The following ERC1 variants were observed in gnomAD, a reference collection of about 807,000 sequenced individuals.
ERC1 encodes ELKS/RAB6-interacting/CAST family member 1.
ERC1 carries 56 observed loss-of-function variants against 132.0 expected under a neutral mutation model. The observed-to-expected ratio is 0.42, with a 90% CI of 0.34 to 0.53. The LOEUF (loss-of-function observed/expected upper bound fraction) is 0.53, where lower values mean the gene tolerates loss of function less well. ERC1 is among the 20% of genes least tolerant of loss of function. The pLI, the probability that ERC1 is intolerant of heterozygous loss-of-function variation, is 0.03. For synonymous variants in ERC1, 478 were observed against 476.1 expected (o/e 1.00, Z -0.05); for missense variants, 1,202 against 1,349.9 (o/e 0.89, Z 1.72).
At chr12:1,313,661 G>A (rs555888596) in intron 15 of ERC1, among the ~76,000 whole-genome samples, 49 of 152,108 alleles carry the variant, frequency 3.2e-4, no homozygotes, top group African/African-American at 1.2e-3. Context: ...TGACGTTTCA[G>A]TATTTTTCTG....
At chr12:1,473,995 T>TA (rs1415200805) in intron 18 of ERC1, among the ~76,000 whole-genome samples, 1 of 152,200 alleles carries the variant, frequency 6.6e-6, no homozygotes. Context: ...TAGATGCTCT[T>TA]ACGGCAAAAT....
At position 1,369,203 on chromosome 12, in the gene ERC1, G is replaced by A. The variant is rs1222952698; in HGVS notation, c.2781-2630G>A. On this transcript the variant is annotated intron_variant, in intron 15 of 18. Transcript: ENST00000360905. ...CAAAACTTTGAAATTAGAAATCTAA[G>A]TTGTCATCTGTTATTTCATATTGTG... is the stretch of plus-strand genomic sequence containing the variant. Among the ~76,000 whole-genome samples the A allele has an allele frequency of 2.0e-5, 3 of 152,114 alleles. No homozygotes were observed. In the East Asian group the frequency reaches 5.8e-4, roughly 29 times the overall value.
At chr12:1,118,357 C>T (rs1946685466) in intron 7 of ERC1, among the ~76,000 whole-genome samples, 1 of 152,070 alleles carries the variant, frequency 6.6e-6, no homozygotes, top group Admixed American at 6.6e-5. Context: ...TCTCTTTGTA[C>T]CCCCCTCAAA....
chr12:1,211,634 A>C (rs1480316077), intron 12 of ERC1, among the ~76,000 whole-genome samples: 1 of 152,006 alleles, frequency 6.6e-6, no homozygotes, highest in Non-Finnish European at 1.5e-5. Flanking sequence ...ATCTTGGCTC[A>C]CTGCAACCTC....
chr12:1,359,598 C>G (rs1318192960), intron 15 of ERC1, among the ~76,000 whole-genome samples: 2 of 152,120 alleles, frequency 1.3e-5, no homozygotes, highest in South Asian at 2.1e-4. Flanking sequence ...ACAGACCTAC[C>G]CTTACAATAA....
At chr12:1,161,487 C>T (rs908344504) in intron 8 of ERC1, among the ~76,000 whole-genome samples, 1 of 152,146 alleles carries the variant, frequency 6.6e-6, no homozygotes, top group African/African-American at 2.4e-5. Flanking sequence ...TGTCTCATTA[C>T]GAACTCTGAA....
At chr12:1,183,175 G>T (rs1251285401) in intron 10 of ERC1, 106 bp from the exon 11 acceptor site, 19 of 618,996 alleles carry the variant, frequency 3.1e-5, no homozygotes, top group Non-Finnish European at 4.4e-5. Context: ...GAGTATGTCA[G>T]CATTTGGTAA....
intron 8 of ERC1, among the ~76,000 whole-genome samples, chr12:1,171,135 C>G (rs1227469003): frequency 6.6e-6 from 1 of 152,114 alleles, no homozygotes; most frequent in Non-Finnish European, 1.5e-5. Context: ...CAGGGAAACC[C>G]AACCAAGGAA....
chr12:1,132,124 G>A (rs1948823932), intron 7 of ERC1, among the ~76,000 whole-genome samples: 1 of 152,176 alleles, frequency 6.6e-6, no homozygotes, highest in Non-Finnish European at 1.5e-5. Flanking sequence ...AAAGATCAGT[G>A]TAGAATTCAG....
chr12:997,267 G>C (rs1426140373), intron 1 of ERC1, among the ~76,000 whole-genome samples: 1 of 152,208 alleles, frequency 6.6e-6, no homozygotes, highest in African/African-American at 2.4e-5. Context: ...TTACTTGACT[G>C]ATAAATAAAG....
rs1007594877 is a variant in ERC1 at position 1,125,474 on chromosome 12, A to C, written c.1569+9441A>C. Among the ~76,000 whole-genome samples the C allele has an allele frequency of 3.3e-5, 5 of 152,152 alleles. No homozygotes were observed. In the South Asian group the frequency reaches 1.0e-3, roughly 32 times the overall value. On this transcript the variant is annotated intron_variant, in intron 7 of 18. Transcript: ENST00000360905. Reference sequence around the variant, plus strand: ...TATAATTTAATCCTGCAGGGATATCAGTTTTCCTGAAGTTAATGTATATAT... The same window carrying C: ...TATAATTTAATCCTGCAGGGATATCCGTTTTCCTGAAGTTAATGTATATAT...
At chr12:1,101,674 A>C (rs538169071) in intron 3 of ERC1, among the ~76,000 whole-genome samples, 1 of 152,304 alleles carries the variant, frequency 6.6e-6, no homozygotes, top group East Asian at 1.9e-4. Context: ...TTAAATGTGG[A>C]GTTCCCACAC....
At position 1,192,039 on chromosome 12, in the gene ERC1, G is replaced by A. The variant is rs540670576; in HGVS notation, c.2351+1987G>A. ...GAGAAGTCATTGCTGAAGTGACGTGGTGGTTGAGCCAGAGCTAGTAGAATG... is the reference window on the plus strand; with the variant it reads ...GAGAAGTCATTGCTGAAGTGACGTGATGGTTGAGCCAGAGCTAGTAGAATG... On this transcript the variant is annotated intron_variant, in intron 12 of 18. Transcript: ENST00000360905. 9.8e-5 allele frequency among the ~76,000 whole-genome samples: 15 copies of A among 152,324 alleles called. No homozygotes were observed. In the South Asian group the frequency reaches 2.7e-3, roughly 27 times the overall value.
At chr12:1,178,124 A>G (rs964651746) in intron 8 of ERC1, among the ~76,000 whole-genome samples, 3 of 152,170 alleles carry the variant, frequency 2.0e-5, no homozygotes, top group Non-Finnish European at 4.4e-5. Flanking sequence ...CACATACCCT[A>G]TTCTAAACTT....
At chr12:1,061,474 A>G (rs113308232) in intron 2 of ERC1, among the ~76,000 whole-genome samples, 2 of 149,850 alleles carry the variant, frequency 1.3e-5, no homozygotes, top group African/African-American at 4.9e-5. Flanking sequence ...GTGGTGGTGT[A>G]TGCCAGTAAT....
At chr12:1,162,437 T>G in intron 8 of ERC1, among the ~76,000 whole-genome samples, 1 of 152,170 alleles carries the variant, frequency 6.6e-6, no homozygotes, top group East Asian at 1.9e-4. Context: ...TCCATGCTTC[T>G]GTAACTTCTG....
At chr12:1,127,701 A>G (rs1711768855) in intron 7 of ERC1, among the ~76,000 whole-genome samples, 2 of 152,206 alleles carry the variant, frequency 1.3e-5, no homozygotes. Context: ...ATGAATATAA[A>G]AATCACCCTC....
At chr12:1,443,513 G>T (rs11061761) in intron 17 of ERC1, 1 of 152,314 alleles carries the variant, frequency 6.6e-6, no homozygotes, top group East Asian at 1.9e-4. Context: ...TGCCAGGCCG[G>T]TGACATGCAA....
intron 15 of ERC1, among the ~76,000 whole-genome samples, chr12:1,352,018 A>G (rs934057286): frequency 3.3e-5 from 5 of 152,172 alleles, no homozygotes; most frequent in Non-Finnish European, 7.3e-5. Flanking sequence ...GAAGGGCCCA[A>G]GGATCCATTA....
Sources: gnomAD v4.1 joint callset for allele counts (sites outside exome capture counted in the v4.1 genomes callset) on GRCh38, gnomAD v4.1.1 for gene constraint, MANE v1.5 for transcripts, NCBI Gene and HGNC (gene_info 2026-07-23, HGNC 2026-07-21) for gene names.